GABRB1: variants seen among roughly 807,000 people sequenced by gnomAD.
The protein encoded by GABRB1 is gamma-aminobutyric acid receptor subunit beta-1.
GABRB1 carries 17 observed loss-of-function variants against 51.6 expected under a neutral mutation model. The observed-to-expected ratio is 0.33, with a 90% CI of 0.23 to 0.49. The LOEUF (loss-of-function observed/expected upper bound fraction) is 0.49. Ranked by LOEUF, GABRB1 falls within the 20% of genes least tolerant of loss-of-function variation. The probability of loss-of-function intolerance (pLI) is 0.99; values close to 1 mark genes in which losing one functional copy is unlikely to be tolerated. For missense variants in GABRB1, 410 were observed against 600.6 expected (o/e 0.68, Z 3.32); for synonymous variants, 247 against 218.9 (o/e 1.13, Z -1.14).
chr4:47,295,042 A>G (rs1027329926), intron 4 of GABRB1, among the ~76,000 whole-genome samples: 1 of 152,246 alleles, frequency 6.6e-6, no homozygotes, highest in Non-Finnish European at 1.5e-5. Flanking sequence ...CCTGCAGCTG[A>G]GGGTCTTGTC....
chr4:47,381,976 C>T (rs1174222166), intron 5 of GABRB1, among the ~76,000 whole-genome samples: 2 of 152,216 alleles, frequency 1.3e-5, no homozygotes, highest in South Asian at 2.1e-4. Flanking sequence ...TGTGTGACCA[C>T]ATTTTTATTG....
At chr4:47,032,070 TGTC>T in intron 2 of GABRB1, 65 bp downstream of exon 2, 2 of 935,502 alleles carry the variant, frequency 2.1e-6, no homozygotes, top group Non-Finnish European at 2.9e-6. Flanking sequence ...CAAAGATAAA[TGTC>T]AAAAAAAAAA....
At chr4:47,062,995 G>A (rs2109530676) in intron 3 of GABRB1, among the ~76,000 whole-genome samples, 1 of 152,222 alleles carries the variant, frequency 6.6e-6, no homozygotes, top group African/African-American at 2.4e-5. Flanking sequence ...GAAGCCATAG[G>A]GATGTTTCTA....
chr4:47,338,549 T>C (rs1267298960), intron 5 of GABRB1, among the ~76,000 whole-genome samples: 1 of 152,238 alleles, frequency 6.6e-6, no homozygotes, highest in Non-Finnish European at 1.5e-5. Flanking sequence ...TCAATTCCTT[T>C]TAGGCTTGTG....
chr4:47,161,777 C>G (rs1344667793), intron 4 of GABRB1, among the ~76,000 whole-genome samples: 1 of 151,980 alleles, frequency 6.6e-6, no homozygotes, highest in Non-Finnish European at 1.5e-5. Context: ...TTTTGAGAAA[C>G]AGATGAAACC....
chr4:47,301,501 G>A lies in GABRB1; in HGVS notation c.462-18626G>A, dbSNP rs112738938. ...ATAAAAAATTTAGCCAGGCATGGTGGTGCGTGCCTGTAGTCCCAGCTACTT... is the reference window on the plus strand; with the variant it reads ...ATAAAAAATTTAGCCAGGCATGGTGATGCGTGCCTGTAGTCCCAGCTACTT... On this transcript the variant is annotated intron_variant, in intron 4 of 8. Transcript: ENST00000295454. 7.9e-3 allele frequency among the ~76,000 whole-genome samples: 1,194 copies of A among 152,006 alleles called. 17 individuals carry two copies. Among genetic ancestry groups the A allele is most frequent in the African/African-American group, 0.028 (1,151 of 41,480 alleles).
intron 1 of GABRB1, among the ~76,000 whole-genome samples, chr4:47,004,663 G>C (rs1724332715): frequency 6.6e-6 from 1 of 152,056 alleles, no homozygotes; most frequent in Non-Finnish European, 1.5e-5. Context: ...CCAACTATTG[G>C]TGCGGCCAGA....
At chr4:47,158,482 C>A (rs981260833) in intron 3 of GABRB1, among the ~76,000 whole-genome samples, 1 of 152,028 alleles carries the variant, frequency 6.6e-6, no homozygotes, top group Non-Finnish European at 1.5e-5. Context: ...CACATTAAAG[C>A]TTTATAGAAA....
At chr4:47,195,442 AGATGATAGATAGATTAGAT>A (rs1369809122) in intron 4 of GABRB1, among the ~76,000 whole-genome samples, 7,056 of 116,236 alleles carry the variant, frequency 0.061, 199 homozygotes, top group South Asian at 0.094. Flanking sequence ...ATAGATAGAT[AGATGATAGATAGATTAGAT>A]GATAGATAGA....
intron 5 of GABRB1, among the ~76,000 whole-genome samples, chr4:47,366,924 T>C (rs1223957780): frequency 1.3e-5 from 2 of 152,190 alleles, no homozygotes; most frequent in Non-Finnish European, 2.9e-5. Context: ...TTTGTGACAT[T>C]ATGTGTGGCA....
chr4:47,384,515 A>G (rs1727716421), intron 5 of GABRB1, among the ~76,000 whole-genome samples: 1 of 152,174 alleles, frequency 6.6e-6, no homozygotes, highest in African/African-American at 2.4e-5. Flanking sequence ...CAGGATACAC[A>G]TGACTCTTCA....
At chr4:47,001,434 G>GCA (rs1724214687) in intron 1 of GABRB1, among the ~76,000 whole-genome samples, 7 of 152,314 alleles carry the variant, frequency 4.6e-5, no homozygotes, top group Admixed American at 1.3e-4. Context: ...GAGCCACCAT[G>GCA]CCCGGCCAGA....
intron 5 of GABRB1, among the ~76,000 whole-genome samples, chr4:47,367,207 G>C (rs1359857502): frequency 6.6e-6 from 1 of 152,086 alleles, no homozygotes; most frequent in Non-Finnish European, 1.5e-5. Flanking sequence ...CTCATTCCAA[G>C]CACTACTATC....
chr4:47,216,799 A>T (rs1720572834), intron 4 of GABRB1, among the ~76,000 whole-genome samples: 1 of 151,924 alleles, frequency 6.6e-6, no homozygotes. Flanking sequence ...TAAAAAGCTA[A>T]GTTATAGCTA....
Position 47,273,864 on chromosome 4 carries a change from T to TAC in GABRB1, c.462-46227_462-46226dup, listed in dbSNP as rs5858061. Among the ~76,000 whole-genome samples the TAC allele has an allele frequency of 3.6e-3, 445 of 122,400 alleles. 2 individuals are homozygous for TAC. Among genetic ancestry groups the TAC allele is most frequent in the Middle Eastern group, 5.2e-3 (1 of 194 alleles). 80.3% of individuals were successfully genotyped at this position (122,400 alleles called of 152,430 possible). Reference sequence around the variant, plus strand: ...TGTTTGAAAGTAAACCATATATACATACACACACACACACACACACACACA... The same window carrying TAC: ...TGTTTGAAAGTAAACCATATATACATACACACACACACACACACACACACACA... On this transcript the variant is annotated intron_variant, in intron 4 of 8. Coordinates refer to ENST00000295454, the MANE Select transcript of GABRB1 (RefSeq NM_000812.4).
intron 3 of GABRB1, among the ~76,000 whole-genome samples, chr4:47,113,644 A>AT (rs1372712397): frequency 6.6e-6 from 1 of 151,892 alleles, no homozygotes; most frequent in Non-Finnish European, 1.5e-5. Flanking sequence ...AGAGGGTAAC[A>AT]TTTTTTTTCT....
rs190655035 is a variant in GABRB1, at chr4:47,196,405, C to A, written c.461+34936C>A. Reference sequence around the variant, plus strand: ...CTGTTACTAGGGGCACCAGGGAGATCCAGCACTGGATAGATCCAATCTGGA... The same window carrying A: ...CTGTTACTAGGGGCACCAGGGAGATACAGCACTGGATAGATCCAATCTGGA... On this transcript the variant is annotated intron_variant, in intron 4 of 8. Coordinates refer to ENST00000295454, the MANE Select transcript of GABRB1 (RefSeq NM_000812.4). Among the ~76,000 whole-genome samples, 713 of 152,272 alleles carry A rather than the reference C, an allele frequency of 4.7e-3. 2 individuals are homozygous for A. The highest frequency in any genetic ancestry group is 7.3e-3 in the Non-Finnish European group (498 of 68,032).
chr4:47,254,095 T>G (rs1030400780), intron 4 of GABRB1, among the ~76,000 whole-genome samples: 3 of 152,168 alleles, frequency 2.0e-5, no homozygotes, highest in African/African-American at 7.2e-5. Context: ...TAAAGTGTTG[T>G]TTTGGAAATG....
chr4:47,303,310 A>T (rs746623535), intron 4 of GABRB1, among the ~76,000 whole-genome samples: 33 of 151,888 alleles, frequency 2.2e-4, no homozygotes, highest in Non-Finnish European at 2.7e-4. Flanking sequence ...TTTAATAAAG[A>T]ACAATGTTGA....
Sources: gnomAD v4.1 joint callset for allele counts (sites outside exome capture counted in the v4.1 genomes callset) on GRCh38, gnomAD v4.1.1 for gene constraint, MANE v1.5 for transcripts, NCBI Gene and HGNC (gene_info 2026-07-23, HGNC 2026-07-21) for gene names.